Variants in DPP10 observed in about 807,000 individuals in gnomAD.
The protein encoded by DPP10 is dipeptidyl peptidase like 10.
In DPP10, 33 loss-of-function variants were observed where a neutral mutation model predicts 120.9. The observed-to-expected ratio is 0.27, with a 90% CI of 0.21 to 0.37. The LOEUF (loss-of-function observed/expected upper bound fraction) is 0.37. DPP10 is among the 10% of genes least tolerant of loss of function. The pLI is 1.00. For synonymous variants in DPP10, 337 were observed against 326.1 expected (o/e 1.03, Z -0.36); for missense variants, 816 against 942.8 (o/e 0.87, Z 1.76).
At chr2:114,826,411 G>T (rs891354105) in intron 1 of DPP10, among the ~76,000 whole-genome samples, 1 of 152,158 alleles carries the variant, frequency 6.6e-6, no homozygotes, top group Non-Finnish European at 1.5e-5. Context: ...TATGGAAAAG[G>T]TCATGCCTGA....
intron 1 of DPP10, among the ~76,000 whole-genome samples, chr2:114,782,330 T>A (rs1309305444): frequency 3.5e-5 from 2 of 57,786 alleles, no homozygotes; most frequent in Non-Finnish European, 6.3e-5. Flanking sequence ...ACCTGTGGAA[T>A]ATATATATAT....
chr2:114,643,924 T>C (rs1254337750), intron 1 of DPP10, among the ~76,000 whole-genome samples: 1 of 131,166 alleles, frequency 7.6e-6, no homozygotes, highest in Non-Finnish European at 1.6e-5. Flanking sequence ...TGTGTGTATA[T>C]ATATATATAT....
At chr2:115,160,986 G>A (rs549402157) in intron 1 of DPP10, 1 of 152,368 alleles carries the variant, frequency 6.6e-6, no homozygotes. Context: ...GAAAGGAAAG[G>A]CTGGGAGGAC....
intron 3 of DPP10, among the ~76,000 whole-genome samples, chr2:115,440,222 A>G (rs1260596066): frequency 3.9e-5 from 6 of 152,190 alleles, no homozygotes; most frequent in Middle Eastern, 3.4e-3. Context: ...AAGTTGAATA[A>G]CAAGAGAAGT....
rs150258813 is a variant in DPP10, at chr2:115,635,330, G to A, written c.442-54357G>A. ...TCAGACCCAAGGCTCTGGTGGCGTG[G>A]GCTGACAAGGGGGATCTCCTGATCT... On this transcript the variant is annotated intron_variant, in intron 5 of 25. Transcript: ENST00000410059. Among the ~76,000 whole-genome samples the A allele has an allele frequency of 1.6e-4, 24 of 152,226 alleles. No homozygotes were observed. The East Asian group carries it at 4.3e-3, about 27-fold the overall frequency.
intron 1 of DPP10, among the ~76,000 whole-genome samples, chr2:114,551,941 C>T (rs140887471): frequency 2.6e-5 from 4 of 152,114 alleles, no homozygotes; most frequent in African/African-American, 7.2e-5. Flanking sequence ...ATGATCCTGA[C>T]GAGAAAAAGG....
At chr2:114,825,926 T>G (rs975662728) in intron 1 of DPP10, among the ~76,000 whole-genome samples, 1 of 152,218 alleles carries the variant, frequency 6.6e-6, no homozygotes, top group Non-Finnish European at 1.5e-5. Flanking sequence ...TCATGGTGTT[T>G]CTATTTTCTA....
intron 3 of DPP10, among the ~76,000 whole-genome samples, chr2:115,429,564 T>C (rs2070782759): frequency 6.6e-6 from 1 of 152,230 alleles, no homozygotes; most frequent in Admixed American, 6.5e-5. Context: ...TGATGTATTC[T>C]AGACACAATA....
chr2:115,461,811 T>G (rs1415173138), intron 3 of DPP10, among the ~76,000 whole-genome samples: 1 of 152,188 alleles, frequency 6.6e-6, no homozygotes, highest in Non-Finnish European at 1.5e-5. Context: ...TACAGATTAT[T>G]TTCCCTTTGT....
At chr2:115,380,910 G>T (rs2066281370) in intron 3 of DPP10, among the ~76,000 whole-genome samples, 1 of 152,146 alleles carries the variant, frequency 6.6e-6, no homozygotes, top group Non-Finnish European at 1.5e-5. Flanking sequence ...TAGAGTTTCT[G>T]CCTAGAGATC....
At chr2:115,464,111 T>C (rs1050328598) in intron 3 of DPP10, among the ~76,000 whole-genome samples, 1 of 152,138 alleles carries the variant, frequency 6.6e-6, no homozygotes, top group African/African-American at 2.4e-5. Flanking sequence ...CCAGGCCACT[T>C]TGCCGGTCCA....
At chr2:114,598,567 T>C (rs1031984568) in intron 1 of DPP10, among the ~76,000 whole-genome samples, 1 of 151,510 alleles carries the variant, frequency 6.6e-6, no homozygotes, top group Non-Finnish European at 1.5e-5. Context: ...TGAGGAGGAG[T>C]GCCTGACAGG....
At chr2:115,699,433 C>T (rs1254986088) in intron 7 of DPP10, among the ~76,000 whole-genome samples, 4 of 152,120 alleles carry the variant, frequency 2.6e-5, no homozygotes, top group African/African-American at 7.2e-5. Context: ...GAAACCCTGT[C>T]TCTACTAAAA....
chr2:115,655,105 CATTCAACTGGAGATG>C (rs1468470028), intron 5 of DPP10, among the ~76,000 whole-genome samples: 1 of 151,692 alleles, frequency 6.6e-6, no homozygotes, highest in Admixed American at 6.6e-5. Context: ...GTTATATATG[CATTCAACTGGAGATG>C]AAGTTGGGTT....
chr2:115,017,204 T>C (rs151103374), intron 1 of DPP10, among the ~76,000 whole-genome samples: 3,782 of 149,354 alleles, frequency 0.025, 100 homozygotes, highest in Non-Finnish European at 0.032. Flanking sequence ...ACTTCAAGTA[T>C]AATAATAATA....
At chr2:114,979,965 C>T (rs1318000832) in intron 1 of DPP10, among the ~76,000 whole-genome samples, 1 of 152,032 alleles carries the variant, frequency 6.6e-6, no homozygotes, top group Non-Finnish European at 1.5e-5. Flanking sequence ...CTTTTGCAAT[C>T]GTGTATATTC....
At chr2:114,517,453 G>T (rs912427803) in intron 1 of DPP10, among the ~76,000 whole-genome samples, 4 of 151,618 alleles carry the variant, frequency 2.6e-5, no homozygotes, top group African/African-American at 9.7e-5. Flanking sequence ...CTGGGAGACG[G>T]AGGCTGCAGT....
intron 5 of DPP10, among the ~76,000 whole-genome samples, chr2:115,566,193 GTTAC>G (rs2080999626): frequency 1.3e-5 from 2 of 152,066 alleles, no homozygotes; most frequent in Non-Finnish European, 2.9e-5. Context: ...AATGATAGTA[GTTAC>G]TTAGATCATT....
chr2:114,829,956 G>A (rs893396904), intron 1 of DPP10, among the ~76,000 whole-genome samples: 3 of 151,980 alleles, frequency 2.0e-5, no homozygotes, highest in Non-Finnish European at 4.4e-5. Flanking sequence ...GCTGCGGCCT[G>A]TCTTGAACCC....
Sources: gnomAD v4.1 joint callset for allele counts (sites outside exome capture counted in the v4.1 genomes callset) on GRCh38, gnomAD v4.1.1 for gene constraint, MANE v1.5 for transcripts, NCBI Gene and HGNC (gene_info 2026-07-23, HGNC 2026-07-21) for gene names.